MAP3K7: variants seen among roughly 807,000 people sequenced by gnomAD.
MAP3K7 encodes TGF-beta activated kinase 1.
MAP3K7 carries 21 observed loss-of-function variants against 84.8 expected under a neutral mutation model. The observed-to-expected ratio is 0.25, with a 90% CI of 0.18 to 0.36. The LOEUF (loss-of-function observed/expected upper bound fraction) is 0.36, where lower values mean the gene tolerates loss of function less well. Among genes scored for constraint, MAP3K7 ranks in the 10% least tolerant of loss-of-function variants. The pLI is 1.00. For synonymous variants in MAP3K7, 241 were observed against 247.7 expected (o/e 0.97, Z 0.25); for missense variants, 503 against 747.7 (o/e 0.67, Z 3.82).
intron 14 of MAP3K7, among the ~76,000 whole-genome samples, chr6:90,522,122 T>G (rs1003345845): frequency 1.3e-5 from 2 of 152,146 alleles, no homozygotes; most frequent in African/African-American, 4.8e-5. Flanking sequence ...TAGCCACACA[T>G]GTGCAATATA....
At chr6:90,550,996 C>T (rs529627826) in intron 8 of MAP3K7, 1 of 152,322 alleles carries the variant, frequency 6.6e-6, no homozygotes, top group Non-Finnish European at 1.5e-5. Flanking sequence ...CTCAAAGTAT[C>T]TGCTGGACAA....
At chr6:90,542,680 C>T (rs150167370) in intron 12 of MAP3K7, among the ~76,000 whole-genome samples, 4 of 152,010 alleles carry the variant, frequency 2.6e-5, no homozygotes, top group South Asian at 2.1e-4. Context: ...CTAAGTTCTT[C>T]GTCTGTTAAA....
intron 4 of MAP3K7, among the ~76,000 whole-genome samples, 187 bp from the exon 5 acceptor site, chr6:90,560,401 C>T (rs552456648): frequency 1.3e-5 from 2 of 152,202 alleles, no homozygotes; most frequent in African/African-American, 2.4e-5. Context: ...CTCACTTTGT[C>T]GCCAGGCTGG....
Position 90,544,646 on chromosome 6 carries a change from TATATACA to T in MAP3K7, c.1211-21_1211-15del, listed in dbSNP as rs1188180555. On this transcript the variant is annotated splice_polypyrimidine_tract_variant and intron_variant, in intron 11 of 16. Coordinates refer to ENST00000369329, the MANE Select transcript of MAP3K7 (RefSeq NM_145331.3). ...GCTTGGAATAGGCTGCAAAAACACATATATACAGTATACATGCAAACAACCACAAACA... is the reference window on the plus strand; with the variant it reads ...GCTTGGAATAGGCTGCAAAAACACATGTATACATGCAAACAACCACAAACA... 1 of 1,605,466 alleles carries T rather than the reference TATATACA, an allele frequency of 6.2e-7. No homozygotes were observed. The highest frequency in any genetic ancestry group is 1.1e-5 in the South Asian group (1 of 90,914).
At position 90,536,293 on chromosome 6, in the gene MAP3K7, T is replaced by C. The variant is rs1206129704; in HGVS notation, c.1356+44A>G. The C allele has an allele frequency of 2.0e-6, 3 of 1,470,302 alleles. No homozygotes were observed. The South Asian group carries it at 3.4e-5, about 17-fold the overall frequency. The allele number at this position is 1,470,302 out of a possible 1,614,324, so 91.1% of individuals were successfully genotyped here. On this transcript the variant is annotated intron_variant, in intron 13 of 16. Transcript: ENST00000369329. ...TAGAATACAGTTAATTCTTGTTTTC[T>C]GCCTAGTATTCTTCAAAGATAGAAA...
chr6:90,584,439 T>A (rs1460257296), intron 1 of MAP3K7, among the ~76,000 whole-genome samples: 2 of 152,104 alleles, frequency 1.3e-5, no homozygotes, highest in Admixed American at 6.5e-5. Flanking sequence ...GACTGCCTGA[T>A]ATTAGAAACA....
At chr6:90,522,163 T>C (rs181642874) in intron 14 of MAP3K7, among the ~76,000 whole-genome samples, 338 of 152,262 alleles carry the variant, frequency 2.2e-3, no homozygotes, top group Non-Finnish European at 3.5e-3. Flanking sequence ...TCAGCTGATA[T>C]TGCAAATTAT....
intron 12 of MAP3K7, among the ~76,000 whole-genome samples, chr6:90,541,274 C>G (rs542822825): frequency 1.3e-5 from 2 of 152,034 alleles, no homozygotes; most frequent in Non-Finnish European, 2.9e-5. Context: ...TTTCTTTTCT[C>G]GAAGTCCCTT....
chr6:90,536,532 G>GT, intron 12 of MAP3K7, 131 bp from the exon 13 acceptor site: 1 of 611,286 alleles, frequency 1.6e-6, no homozygotes, highest in Non-Finnish European at 2.8e-6. Flanking sequence ...GGAAAAAAAA[G>GT]TGAGTTTATT....
chr6:90,543,933 ATGTAAT>A (rs980301846), intron 12 of MAP3K7, among the ~76,000 whole-genome samples: 1 of 152,158 alleles, frequency 6.6e-6, no homozygotes, highest in African/African-American at 2.4e-5. Context: ...GTATAAAAAC[ATGTAAT>A]TTATGAGATT....
At chr6:90,526,318 AC>A (rs959348343) in intron 13 of MAP3K7, among the ~76,000 whole-genome samples, 1 of 152,208 alleles carries the variant, frequency 6.6e-6, no homozygotes, top group Non-Finnish European at 1.5e-5. Flanking sequence ...TTCATGGGAC[AC>A]TAATGAAAAC....
At chr6:90,539,682 C>G (rs543348627) in intron 12 of MAP3K7, among the ~76,000 whole-genome samples, 1 of 151,822 alleles carries the variant, frequency 6.6e-6, no homozygotes, top group Non-Finnish European at 1.5e-5. Flanking sequence ...TATTTTCATC[C>G]TGGTGGAGAA....
rs554832514 is a variant in MAP3K7, at chr6:90,573,427, A to ATAC, written c.121-1621_121-1620insGTA. ...CAAAAAAAGGGCATTAATAATAATAATATTAGGACACTAGTTGTAAACTGC... is the reference window on the plus strand; with the variant it reads ...CAAAAAAAGGGCATTAATAATAATAATACTATTAGGACACTAGTTGTAAACTGC... On this transcript the variant is annotated intron_variant, in intron 1 of 16. Transcript: ENST00000369329. Among the ~76,000 whole-genome samples, 21 of 151,874 alleles carry ATAC rather than the reference A, an allele frequency of 1.4e-4. 1 individual carries two copies. The East Asian group carries it at 3.9e-3, about 28-fold the overall frequency.
intron 6 of MAP3K7, among the ~76,000 whole-genome samples, chr6:90,554,167 G>A (rs569281338): frequency 1.4e-3 from 218 of 152,182 alleles, no homozygotes; most frequent in African/African-American, 5.1e-3. Flanking sequence ...CTGGCCTCCC[G>A]AGGCGCTGGG....
chr6:90,543,520 G>C (rs955220417), intron 12 of MAP3K7, among the ~76,000 whole-genome samples: 1 of 151,968 alleles, frequency 6.6e-6, no homozygotes, highest in Non-Finnish European at 1.5e-5. Context: ...TCAATAATAA[G>C]CAACAACAAC....
Position 90,539,682 on chromosome 6 carries a change from C to T in MAP3K7, c.1292-3281G>A, listed in dbSNP as rs543348627. Among the ~76,000 whole-genome samples the T allele has an allele frequency of 2.0e-5, 3 of 151,940 alleles. No homozygotes were observed. The South Asian group carries it at 6.2e-4, about 32-fold the overall frequency. On this transcript the variant is annotated intron_variant, in intron 12 of 16. Coordinates refer to ENST00000369329, the MANE Select transcript of MAP3K7 (RefSeq NM_145331.3). Reference sequence around the variant, plus strand: ...CTATTAAAAAAGTGATATTTTCATCCTGGTGGAGAAAGCAAAATAGTGCTC... The same window carrying T: ...CTATTAAAAAAGTGATATTTTCATCTTGGTGGAGAAAGCAAAATAGTGCTC...
At chr6:90,516,822 G>T in intron 16 of MAP3K7, 141 bp from the exon 17 acceptor site, 2 of 603,816 alleles carry the variant, frequency 3.3e-6, no homozygotes, top group East Asian at 3.0e-5. Context: ...ATATAATTAT[G>T]GGCTGGGATG....
intron 14 of MAP3K7, among the ~76,000 whole-genome samples, chr6:90,519,895 C>G (rs1168490866): frequency 6.6e-6 from 1 of 151,950 alleles, no homozygotes; most frequent in Non-Finnish European, 1.5e-5. Flanking sequence ...GAGTATATTA[C>G]AAATACGAAC....
chr6:90,516,689 C>A lies in MAP3K7; in HGVS notation c.1641-8G>T. The A allele has an allele frequency of 6.3e-7, 1 of 1,591,592 alleles. No individual in the cohort carries two copies. The highest frequency in any genetic ancestry group is 8.5e-7 in the Non-Finnish European group (1 of 1,172,496). ...TCTGCAACTAGTTCTTGCCTACAAA[C>A]AAATACCACATAATATTACACATGA... On this transcript the variant is annotated splice_polypyrimidine_tract_variant and splice_region_variant and intron_variant, in intron 16 of 16. Transcript: ENST00000369329.
Sources: allele counts gnomAD v4.1 joint callset (sites outside exome capture counted in the v4.1 genomes callset), GRCh38; gene constraint gnomAD v4.1.1; transcripts MANE v1.5; gene names NCBI Gene and HGNC (gene_info 2026-07-23, HGNC 2026-07-21).